Variants in KCNAB1 observed in about 807,000 individuals in gnomAD.
KCNAB1 encodes voltage-gated potassium channel subunit beta-1.
KCNAB1 carries 35 observed loss-of-function variants against 64.6 expected under a neutral mutation model. That is an observed-to-expected ratio of 0.54 (90% CI 0.41 to 0.72). The LOEUF (loss-of-function observed/expected upper bound fraction) is 0.72. Ranked by LOEUF, KCNAB1 falls within the 30% of genes least tolerant of loss-of-function variation. The pLI is 0.00. For missense variants in KCNAB1, 401 were observed against 512.9 expected (o/e 0.78, Z 2.11); for synonymous variants, 177 against 183.8 (o/e 0.96, Z 0.30).
At position 156,394,926 on chromosome 3, in the gene KCNAB1, A is replaced by T. The variant is rs187723090; in HGVS notation, c.276-26690A>T. On this transcript the variant is annotated intron_variant, in intron 1 of 13. Transcript: ENST00000490337. The stretch of plus-strand genomic sequence containing the variant: ...TGTTATTGAAAGCAGCTCATTGCAA[A>T]CGTGGAAATATTCTTAAATAACCAG... Among the ~76,000 whole-genome samples, 177 of 152,360 alleles carry T rather than the reference A, an allele frequency of 1.2e-3. No individual in the cohort carries two copies. The East Asian group carries it at 0.031, about 27-fold the overall frequency.
At chr3:156,181,995 G>T (rs910754870) in intron 1 of KCNAB1, among the ~76,000 whole-genome samples, 1 of 152,122 alleles carries the variant, frequency 6.6e-6, no homozygotes, top group Non-Finnish European at 1.5e-5. Context: ...TCATGAAAAT[G>T]TTAAACTAAT....
chr3:156,365,573 C>T lies in KCNAB1; in HGVS notation c.276-56043C>T, dbSNP rs949450172. 3.9e-5 allele frequency among the ~76,000 whole-genome samples: 6 copies of T among 152,154 alleles called. No individual in the cohort carries two copies. The South Asian group carries it at 8.3e-4, about 21-fold the overall frequency. On this transcript the variant is annotated intron_variant, in intron 1 of 13. Transcript: ENST00000490337. ...CACAGTTGTAATCATGGTGATTGCA[C>T]GCTTTCATATTCATATACTTTCTTA...
intron 1 of KCNAB1, among the ~76,000 whole-genome samples, chr3:156,346,242 A>T (rs1474947044): frequency 6.6e-6 from 1 of 152,126 alleles, no homozygotes; most frequent in Non-Finnish European, 1.5e-5. Flanking sequence ...AATTAACTAC[A>T]GCTTAAGCCC....
chr3:156,119,913 A>T (rs1713241539), upstream of KCNAB1, among the ~76,000 whole-genome samples: 1 of 151,906 alleles, frequency 6.6e-6, no homozygotes, highest in Admixed American at 6.6e-5. Flanking sequence ...TTTGGCCTTC[A>T]CCTTCCCAAT....
intron 1 of KCNAB1, among the ~76,000 whole-genome samples, chr3:156,223,990 C>T (rs559866598): frequency 2.0e-4 from 30 of 152,332 alleles, no homozygotes; most frequent in East Asian, 1.2e-3. Context: ...GCTCAGGCCG[C>T]GCAGGAGCCC....
intron 2 of KCNAB1, among the ~76,000 whole-genome samples, chr3:156,440,541 T>C (rs1028152721): frequency 6.6e-6 from 1 of 152,268 alleles, no homozygotes; most frequent in South Asian, 2.1e-4. Context: ...AGATTGAAGA[T>C]GTACCAACAT....
rs114580165 is a variant in KCNAB1 at position 156,432,384 on chromosome 3, G to C, written c.319+10725G>C. 6.0e-3 allele frequency among the ~76,000 whole-genome samples: 919 copies of C among 152,226 alleles called. 12 individuals are homozygous for C. The highest frequency in any genetic ancestry group is 0.02 in the African/African-American group (833 of 41,518). On this transcript the variant is annotated intron_variant, in intron 2 of 13. Coordinates refer to ENST00000490337, the MANE Select transcript of KCNAB1 (RefSeq NM_172160.3). ...TTTAATAATCTCAAAGGATTAGTGA[G>C]ACCTAAGGCTCATTTACAAATAAAA...
chr3:156,463,143 G>C (rs1262410097), intron 5 of KCNAB1, among the ~76,000 whole-genome samples: 1 of 152,082 alleles, frequency 6.6e-6, no homozygotes, highest in East Asian at 1.9e-4. Flanking sequence ...AAATGTCTAT[G>C]TAGTCAGTTC....
intron 12 of KCNAB1, among the ~76,000 whole-genome samples, chr3:156,531,090 CAAGA>C (rs1266986420): frequency 1.3e-5 from 2 of 152,146 alleles, no homozygotes; most frequent in Non-Finnish European, 2.9e-5. Context: ...AGCGGAGAAG[CAAGA>C]AAGACAGCAG....
intron 1 of KCNAB1, among the ~76,000 whole-genome samples, chr3:156,275,672 C>T (rs969729227): frequency 6.6e-6 from 1 of 152,164 alleles, no homozygotes; most frequent in Non-Finnish European, 1.5e-5. Flanking sequence ...GGAGTAGATT[C>T]CATCTTAAGA....
intron 1 of KCNAB1, among the ~76,000 whole-genome samples, chr3:156,125,475 T>C (rs1713601781): frequency 6.6e-6 from 1 of 152,248 alleles, no homozygotes; most frequent in South Asian, 2.1e-4. Flanking sequence ...TACAATGAGC[T>C]TTTACATACT....
At chr3:156,128,267 G>A (rs1424925715) in intron 1 of KCNAB1, among the ~76,000 whole-genome samples, 1 of 152,216 alleles carries the variant, frequency 6.6e-6, no homozygotes, top group African/African-American at 2.4e-5. Flanking sequence ...CTTTGAGCCT[G>A]TGGAGTATAA....
At chr3:156,248,785 C>G (rs1018522713) in intron 1 of KCNAB1, among the ~76,000 whole-genome samples, 3 of 152,180 alleles carry the variant, frequency 2.0e-5, no homozygotes, top group Admixed American at 6.5e-5. Context: ...ATAGTATTTT[C>G]CCCCTGGTTA....
At chr3:156,239,219 A>G in intron 1 of KCNAB1, among the ~76,000 whole-genome samples, 1 of 152,250 alleles carries the variant, frequency 6.6e-6, no homozygotes, top group East Asian at 1.9e-4. Flanking sequence ...TAAGTTTGTC[A>G]TAATAAAATT....
At chr3:156,335,784 T>C (rs538288045) in intron 1 of KCNAB1, among the ~76,000 whole-genome samples, 5 of 150,482 alleles carry the variant, frequency 3.3e-5, no homozygotes, top group African/African-American at 1.2e-4. Context: ...TGTGCTTAGA[T>C]AGAAAGAACA....
intron 1 of KCNAB1, among the ~76,000 whole-genome samples, chr3:156,128,535 T>A (rs1713800879): frequency 6.6e-6 from 1 of 152,222 alleles, no homozygotes; most frequent in Admixed American, 6.5e-5. Flanking sequence ...AGTATCCTTG[T>A]TTATAAAATG....
At chr3:156,238,408 CGAGACT>C (rs1175492203) in intron 1 of KCNAB1, among the ~76,000 whole-genome samples, 1 of 121,304 alleles carries the variant, frequency 8.2e-6, no homozygotes, top group Non-Finnish European at 1.6e-5. Context: ...GGTGAAAGAG[CGAGACT>C]TGGTCTCAAA....
At chr3:156,266,995 T>C (rs1182849872) in intron 1 of KCNAB1, among the ~76,000 whole-genome samples, 1 of 152,074 alleles carries the variant, frequency 6.6e-6, no homozygotes, top group Non-Finnish European at 1.5e-5. Context: ...TGACTTTCTT[T>C]GGTTCCAAAT....
chr3:156,209,498 G>T (rs1383656649), intron 1 of KCNAB1, among the ~76,000 whole-genome samples: 2 of 152,150 alleles, frequency 1.3e-5, no homozygotes, highest in Non-Finnish European at 2.9e-5. Flanking sequence ...TTGAAGAAAA[G>T]AAAATTTCCA....
Sources: gnomAD v4.1 joint callset for allele counts (sites outside exome capture counted in the v4.1 genomes callset) on GRCh38, gnomAD v4.1.1 for gene constraint, MANE v1.5 for transcripts, NCBI Gene and HGNC (gene_info 2026-07-23, HGNC 2026-07-21) for gene names.